The following MYPN variants were observed in gnomAD, a reference collection of about 807,000 sequenced individuals.
MYPN encodes sarcomeric protein myopalladin, 145 kDa (MYOP).
MYPN carries 63 observed loss-of-function variants against 129.4 expected under a neutral mutation model. The ratio of observed to expected loss-of-function variants is 0.49; its 90% confidence interval spans 0.40 to 0.60. The LOEUF is 0.60. MYPN is among the 20% of genes least tolerant of loss of function. MYPN has a pLI of 0.00. For missense variants in MYPN, 1,596 were observed against 1,635.4 expected (o/e 0.98, Z 0.42); for synonymous variants, 629 against 600.9 (o/e 1.05, Z -0.68).
At position 68,174,129 on chromosome 10, in the gene MYPN, C is replaced by G; in HGVS notation, c.2037C>G (p.Asn679Lys). ...QVLLEQHQLQ[N>K]PPPSSPKEFP... ...TACTGGAACAACACCAATTGCAAAA[C>G]CCACCTCCTTCATCTCCTAAGGAGT... Residue 679 changes from asparagine (N) to lysine (K), a missense_variant, in exon 11 of 20, where the codon AAC (asparagine) becomes AAG (lysine). Transcript: ENST00000358913. 1 of 1,614,132 alleles carries G rather than the reference C, an allele frequency of 6.2e-7. No individual in the cohort carries two copies. The highest frequency in any genetic ancestry group is 8.5e-7 in the Non-Finnish European group (1 of 1,180,014).
chr10:68,118,412 A>G (rs895168488), intron 1 of MYPN, among the ~76,000 whole-genome samples: 1 of 152,214 alleles, frequency 6.6e-6, no homozygotes, highest in African/African-American at 2.4e-5. Context: ...AGAGTTACAT[A>G]ATTGTTACGA....
chr10:68,203,720 C>CAGAGAGAGAGAGAGAGAGAGAG (rs371058853), intron 18 of MYPN, among the ~76,000 whole-genome samples: 103 of 115,732 alleles, frequency 8.9e-4, no homozygotes, highest in Admixed American at 3.2e-3. Context: ...CATACACACA[C>CAGAGAGAGAGAGAGAGAGAGAG]AGAGAGAGAG....
intron 18 of MYPN, among the ~76,000 whole-genome samples, chr10:68,202,643 T>A (rs1437701173): frequency 6.6e-6 from 1 of 152,172 alleles, no homozygotes; most frequent in African/African-American, 2.4e-5. Context: ...TTAAACTGGG[T>A]ACGTTGCTTA....
chr10:68,168,398 C>T (rs148399953), intron 10 of MYPN, among the ~76,000 whole-genome samples: 7 of 152,058 alleles, frequency 4.6e-5, no homozygotes, highest in African/African-American at 1.7e-4. Context: ...TTTTAGGGGC[C>T]GTTACATATG....
intron 17 of MYPN, 105 bp from the exon 18 acceptor site, chr10:68,201,724 T>C (rs1345230070): frequency 3.9e-6 from 5 of 1,292,204 alleles, no homozygotes; most frequent in Non-Finnish European, 5.4e-6. Flanking sequence ...GAGGTTGCAG[T>C]GAGCTGAGAT....
intron 8 of MYPN, among the ~76,000 whole-genome samples, chr10:68,164,386 C>A (rs890490235): frequency 2.6e-5 from 4 of 152,204 alleles, no homozygotes; most frequent in Admixed American, 2.6e-4. Flanking sequence ...GGCATCATGA[C>A]CTAAACACCT....
chr10:68,166,521 G>A lies in MYPN; in HGVS notation c.1828G>A (p.Glu610Lys). 1 of 1,614,174 alleles carries A rather than the reference G, an allele frequency of 6.2e-7. No homozygotes were observed. The highest frequency in any genetic ancestry group is 8.5e-7 in the Non-Finnish European group (1 of 1,180,038). Residue 610 changes from glutamate to lysine, a missense_variant, in exon 10 of 20, where the codon GAA becomes AAA. By Grantham distance (56) the Glu-to-Lys change is moderately conservative. Coordinates refer to ENST00000358913, the MANE Select transcript of MYPN (RefSeq NM_032578.4). ...FNLPEDDKGS[E>K]ASSEAGVVTT... ...CCTGCCTGAAGATGACAAAGGAAGT[G>A]AAGCATCCTCCGAGGCTGGTGTGGT...
chr10:68,190,277 C>T (rs2043490562), intron 13 of MYPN, among the ~76,000 whole-genome samples: 1 of 152,124 alleles, frequency 6.6e-6, no homozygotes, highest in African/African-American at 2.4e-5. Flanking sequence ...ACCTCTGCCT[C>T]CCAGGTTCAA....
At chr10:68,187,130 G>A (rs922257059) in intron 12 of MYPN, among the ~76,000 whole-genome samples, 1 of 152,060 alleles carries the variant, frequency 6.6e-6, no homozygotes, top group Non-Finnish European at 1.5e-5. Context: ...CCAGCACTAT[G>A]GGAGACTGAG....
chr10:68,129,087 A>G (rs992337788), intron 2 of MYPN, among the ~76,000 whole-genome samples: 4 of 152,062 alleles, frequency 2.6e-5, no homozygotes, highest in Non-Finnish European at 4.4e-5. Flanking sequence ...AAGTGGGTCC[A>G]TGGACCAGCA....
At chr10:68,133,087 A>G (rs1367275757) in intron 2 of MYPN, among the ~76,000 whole-genome samples, 1 of 140,478 alleles carries the variant, frequency 7.1e-6, no homozygotes, top group African/African-American at 2.7e-5. Context: ...GTGCAGTGGC[A>G]TGATCTCGAC....
rs550205897 is a variant in MYPN, at chr10:68,137,572, C to T, written c.903-5368C>T. Among the ~76,000 whole-genome samples the T allele has an allele frequency of 6.6e-5, 10 of 152,230 alleles. No individual in the cohort carries two copies. The South Asian group carries it at 2.1e-3, about 32-fold the overall frequency. ...CATCAGGAAAATTAGTAATGCAGATCTTCCAAAAGGTGATACATTTTATTA... is the reference window on the plus strand; with the variant it reads ...CATCAGGAAAATTAGTAATGCAGATTTTCCAAAAGGTGATACATTTTATTA... On this transcript the variant is annotated intron_variant, in intron 2 of 19. Transcript: ENST00000358913.
rs1305721230 is a variant in MYPN at position 68,137,567 on chromosome 10, C to T, written c.903-5373C>T. Among the ~76,000 whole-genome samples the T allele has an allele frequency of 2.0e-5, 3 of 152,098 alleles. No homozygotes were observed. In the East Asian group the frequency reaches 5.8e-4, roughly 29 times the overall value. ...TTGGTCATCAGGAAAATTAGTAATG[C>T]AGATCTTCCAAAAGGTGATACATTT... On this transcript the variant is annotated intron_variant, in intron 2 of 19. Coordinates refer to ENST00000358913, the MANE Select transcript of MYPN (RefSeq NM_032578.4).
chr10:68,106,114 T>C (rs1202135213), upstream of MYPN: 1 of 453,708 alleles, frequency 2.2e-6, no homozygotes, highest in South Asian at 1.6e-5. Context: ...TGACACAAGT[T>C]AGGCAGTGAG....
At chr10:68,123,209 T>G (rs2042273317) in intron 2 of MYPN, among the ~76,000 whole-genome samples, 1 of 151,520 alleles carries the variant, frequency 6.6e-6, no homozygotes, top group African/African-American at 2.4e-5. Context: ...ACCCCATCTC[T>G]ACTAAAAATA....
chr10:68,149,541 C>G (rs1209271291), intron 5 of MYPN, among the ~76,000 whole-genome samples: 1 of 152,140 alleles, frequency 6.6e-6, no homozygotes, highest in Non-Finnish European at 1.5e-5. Flanking sequence ...TCAAGCCATC[C>G]TCCCGCCTCA....
intron 1 of MYPN, among the ~76,000 whole-genome samples, chr10:68,115,095 C>T (rs2042136818): frequency 6.6e-6 from 1 of 151,662 alleles, no homozygotes; most frequent in Non-Finnish European, 1.5e-5. Context: ...CCTATCTCTA[C>T]TAAAAACACA....
intron 4 of MYPN, 39 bp downstream of exon 4, chr10:68,145,565 A>C (rs1389722513): frequency 2.6e-6 from 4 of 1,531,228 alleles, no homozygotes; most frequent in Non-Finnish European, 3.6e-6. Context: ...TAGCATCCTC[A>C]GATCAATTAA....
chr10:68,148,248 A>G (rs1467600508), intron 4 of MYPN, 105 bp from the exon 5 acceptor site: 6 of 938,170 alleles, frequency 6.4e-6, no homozygotes, highest in Non-Finnish European at 1.0e-5. Context: ...CAAGATTTTT[A>G]TTACACTCAC....
Sources: allele counts gnomAD v4.1 joint callset (sites outside exome capture counted in the v4.1 genomes callset), GRCh38; gene constraint gnomAD v4.1.1; transcripts MANE v1.5; gene names NCBI Gene and HGNC (gene_info 2026-07-23, HGNC 2026-07-21).